FER1L6: variants seen among roughly 807,000 people sequenced by gnomAD.
FER1L6 encodes the protein fer-1-like protein 6.
In FER1L6, 177 loss-of-function variants were observed where a neutral mutation model predicts 219.2. The observed-to-expected ratio is 0.81, with a 90% CI of 0.71 to 0.91. The LOEUF is 0.91. Among genes scored for constraint, FER1L6 ranks in the 40% least tolerant of loss-of-function variants. The pLI is 0.00. For synonymous variants in FER1L6, 768 were observed against 824.3 expected (o/e 0.93, Z 1.17); for missense variants, 2,153 against 2,259.9 (o/e 0.95, Z 0.96).
chr8:123,872,693 T>G (rs540134819), intron 1 of FER1L6, among the ~76,000 whole-genome samples: 1 of 152,198 alleles, frequency 6.6e-6, no homozygotes, highest in Non-Finnish European at 1.5e-5. Context: ...CTAAGAGCAT[T>G]CTAAAAAAAA....
intron 22 of FER1L6, among the ~76,000 whole-genome samples, chr8:124,051,250 G>A (rs996661962): frequency 6.6e-6 from 1 of 152,130 alleles, no homozygotes; most frequent in Non-Finnish European, 1.5e-5. Flanking sequence ...AACATTTATT[G>A]TTTAAACTAC....
Position 123,879,709 on chromosome 8 carries a change from C to T in FER1L6, c.-8+27524C>T, listed in dbSNP as rs144859182. Among the ~76,000 whole-genome samples, 420 of 152,136 alleles carry T rather than the reference C, an allele frequency of 2.8e-3. 2 individuals are homozygous for T. Among genetic ancestry groups the T allele is most frequent in the African/African-American group, 9.9e-3 (411 of 41,458 alleles). On this transcript the variant is annotated intron_variant, in intron 1 of 40. Transcript: ENST00000522917. ...TGTCCTCTACTATGGGAAAACTCACCTGTGCATGCGCATACACACACACAC... is the reference window on the plus strand; with the variant it reads ...TGTCCTCTACTATGGGAAAACTCACTTGTGCATGCGCATACACACACACAC...
chr8:123,873,544 T>TTC (rs1218010294), intron 1 of FER1L6, among the ~76,000 whole-genome samples: 2 of 151,634 alleles, frequency 1.3e-5, no homozygotes, highest in South Asian at 4.2e-4. Flanking sequence ...CTTTAAGCCA[T>TTC]TCTCTCTCTC....
chr8:124,002,826 C>G (rs1366923906), intron 12 of FER1L6, among the ~76,000 whole-genome samples: 1 of 151,964 alleles, frequency 6.6e-6, no homozygotes, highest in Non-Finnish European at 1.5e-5. Context: ...TCTTTACCAA[C>G]ATCTCTATAG....
chr8:123,921,477 G>C (rs144977175), intron 1 of FER1L6, among the ~76,000 whole-genome samples: 2 of 151,802 alleles, frequency 1.3e-5, no homozygotes, highest in Admixed American at 1.3e-4. Context: ...TGATCTTCCC[G>C]CCTCAGCTTC....
chr8:123,856,744 T>C (rs1364008528), intron 1 of FER1L6, among the ~76,000 whole-genome samples: 1 of 152,024 alleles, frequency 6.6e-6, no homozygotes, highest in African/African-American at 2.4e-5. Context: ...CTATGTGCAG[T>C]GCAAATGGAT....
At chr8:123,885,745 G>A (rs1817189579) in intron 1 of FER1L6, among the ~76,000 whole-genome samples, 1 of 152,146 alleles carries the variant, frequency 6.6e-6, no homozygotes, top group African/African-American at 2.4e-5. Flanking sequence ...GAGAAAGCCT[G>A]GGCCAGGGGC....
chr8:124,023,361 GC>G (rs1818547170), intron 17 of FER1L6, 82 bp from the exon 18 acceptor site: 1 of 1,350,510 alleles, frequency 7.4e-7, no homozygotes. Flanking sequence ...TTTCAGGATA[GC>G]AGAACTCTGC....
At chr8:124,017,344 T>A (rs576088889) in intron 15 of FER1L6, among the ~76,000 whole-genome samples, 1 of 152,200 alleles carries the variant, frequency 6.6e-6, no homozygotes, top group South Asian at 2.1e-4. Flanking sequence ...ATTTTGTGGG[T>A]TTTGTTATGA....
At position 124,045,896 on chromosome 8, in the gene FER1L6, G is replaced by A. The variant is rs370350195; in HGVS notation, c.2719G>A (p.Ala907Thr). 2.5e-5 allele frequency: 40 copies of A among 1,613,614 alleles called. No individual in the cohort carries two copies. The highest frequency in any genetic ancestry group is 3.4e-5 in the Non-Finnish European group (40 of 1,179,958). The change falls in exon 21 of 41, where the codon GCT becomes ACT. Residue 907 changes from alanine (A) to threonine (T), a missense_variant. Physicochemically the swap from Ala to Thr is moderately conservative, Grantham distance 58. Coordinates refer to ENST00000522917, the MANE Select transcript of FER1L6 (RefSeq NM_001039112.2). ...GGTGGTGGAGCTGTATGACAGCGAC[G>A]CTGTGGTGAGTGTCCCCCTGGGCCA... ...LVVVELYDSD[A>T]VGKPEYLGAT...
intron 1 of FER1L6, among the ~76,000 whole-genome samples, chr8:123,928,971 G>C (rs187148057): frequency 6.6e-6 from 1 of 152,134 alleles, no homozygotes; most frequent in Non-Finnish European, 1.5e-5. Context: ...AGTGAAATAG[G>C]TATTATTATG....
intron 2 of FER1L6, among the ~76,000 whole-genome samples, chr8:123,960,296 G>T (rs527833625): frequency 1.3e-5 from 2 of 152,102 alleles, no homozygotes; most frequent in South Asian, 4.1e-4. Context: ...CGTTTTTGCC[G>T]AAAGTCTGGT....
At chr8:124,011,653 T>C (rs1817933075) in intron 14 of FER1L6, among the ~76,000 whole-genome samples, 1 of 151,304 alleles carries the variant, frequency 6.6e-6, no homozygotes, top group South Asian at 2.1e-4. Flanking sequence ...CTGACTTTTT[T>C]TTTTTTTTTT....
At chr8:123,947,876 T>C (rs1427030560) in intron 1 of FER1L6, among the ~76,000 whole-genome samples, 2 of 152,010 alleles carry the variant, frequency 1.3e-5, no homozygotes, top group African/African-American at 4.8e-5. Context: ...GGAGAAAGAT[T>C]TGGGTGTTGC....
At chr8:123,940,021 A>T (rs1814169273) in intron 1 of FER1L6, among the ~76,000 whole-genome samples, 1 of 152,194 alleles carries the variant, frequency 6.6e-6, no homozygotes, top group Non-Finnish European at 1.5e-5. Context: ...TGTGCTCTTG[A>T]CCCAAAGGCA....
intron 1 of FER1L6, among the ~76,000 whole-genome samples, chr8:123,898,793 A>ATACATATG (rs1812803956): frequency 2.1e-5 from 3 of 142,898 alleles, no homozygotes; most frequent in South Asian, 2.2e-4. Context: ...ATGTACATAT[A>ATACATATG]TACATATATA....
At chr8:124,092,859 T>C (rs1822100236) in intron 34 of FER1L6, among the ~76,000 whole-genome samples, 2 of 5,772 alleles carry the variant, frequency 3.5e-4, no homozygotes, top group Non-Finnish European at 7.1e-4. Flanking sequence ...ACCCTTTTTT[T>C]TTTTTTTTTT....
chr8:123,884,400 A>G (rs2129673624), intron 1 of FER1L6, among the ~76,000 whole-genome samples: 1 of 152,354 alleles, frequency 6.6e-6, no homozygotes, highest in East Asian at 1.9e-4. Flanking sequence ...TCTGCCCCAA[A>G]GTCACAGCCC....
chr8:124,049,538 G>A, intron 21 of FER1L6, 69 bp from the exon 22 acceptor site: 5 of 1,523,632 alleles, frequency 3.3e-6, no homozygotes, highest in Non-Finnish European at 3.6e-6. Context: ...GGAGGTGATG[G>A]CATTGATGTG....
Sources: allele counts gnomAD v4.1 joint callset (sites outside exome capture counted in the v4.1 genomes callset), GRCh38; gene constraint gnomAD v4.1.1; transcripts MANE v1.5; gene names NCBI Gene and HGNC (gene_info 2026-07-23, HGNC 2026-07-21).